Variants in ZNF81 observed in about 807,000 individuals in gnomAD.
ZNF81 encodes zinc finger protein 81 (HFZ20).
In ZNF81, 5 loss-of-function variants were observed where a neutral mutation model predicts 32.3. The observed-to-expected ratio is 0.15, with a 90% CI of 0.08 to 0.33. ZNF81 has a LOEUF of 0.33. Ranked by LOEUF, ZNF81 falls within the 10% of genes least tolerant of loss-of-function variation. The pLI is 1.00. For synonymous variants in ZNF81, 163 were observed against 166.8 expected (o/e 0.98, Z 0.17); for missense variants, 379 against 479.8 (o/e 0.79, Z 1.96).
At chrX:47,869,195 C>T (rs2058571370) in intron 2 of ZNF81, among the ~76,000 whole-genome samples, 1 of 112,000 alleles carries the variant, frequency 8.9e-6, no homozygotes, top group African/African-American at 3.2e-5. Flanking sequence ...ATTTTTGTAT[C>T]AAATTTAGGG....
At chrX:47,898,221 G>C (rs907258353) in intron 4 of ZNF81, among the ~76,000 whole-genome samples, 1 of 111,180 alleles carries the variant, frequency 9.0e-6, no homozygotes, top group African/African-American at 3.3e-5. Context: ...TTAGAGCAGG[G>C]GGATAGTGGC....
intron 1 of ZNF81, among the ~76,000 whole-genome samples, chrX:47,845,817 C>G (rs961149473): frequency 6.6e-4 from 74 of 112,256 alleles, no homozygotes; most frequent in African/African-American, 2.4e-3. Flanking sequence ...TTTTCATAAC[C>G]ACTTGAGATA....
chrX:47,859,584 C>A (rs1217613450), intron 2 of ZNF81, among the ~76,000 whole-genome samples: 2 of 111,764 alleles, frequency 1.8e-5, no homozygotes, highest in Non-Finnish European at 3.8e-5. Flanking sequence ...AAATCAGAAT[C>A]CAAATAAGGT....
chrX:47,850,074 G>A (rs1055496675), intron 2 of ZNF81, among the ~76,000 whole-genome samples: 3 of 111,611 alleles, frequency 2.7e-5, no homozygotes, highest in Admixed American at 9.5e-5. Context: ...TTATTCATCC[G>A]TACATATGTA....
At chrX:47,874,210 G>T (rs2058590887) in intron 2 of ZNF81, among the ~76,000 whole-genome samples, 1 of 112,152 alleles carries the variant, frequency 8.9e-6, no homozygotes, top group Admixed American at 9.4e-5. Flanking sequence ...TGTAATTTCT[G>T]CCAGCTCACT....
intron 2 of ZNF81, among the ~76,000 whole-genome samples, chrX:47,869,844 C>T (rs2058573637): frequency 9.1e-6 from 1 of 110,451 alleles, no homozygotes; most frequent in African/African-American, 3.3e-5. Flanking sequence ...TATGGATGTG[C>T]ACCACTGCAC....
In ZNF81 at chrX:47,908,735, C is replaced by T. The variant is rs782021927; in HGVS notation, c.278-6189C>T. 1.1e-4 allele frequency among the ~76,000 whole-genome samples: 12 copies of T among 111,792 alleles called. No homozygotes were observed. In the South Asian group the frequency reaches 1.5e-3, roughly 14 times the overall value. On this transcript the variant is annotated intron_variant, in intron 4 of 4. Transcript: ENST00000338637. ...TGAACTGCTGTTACAAGAACTTGGG[C>T]GAACCTCAAAAAATTTGTTGAACAA...
At chrX:47,881,096 G>T (rs895755500) in intron 2 of ZNF81, among the ~76,000 whole-genome samples, 17 of 112,064 alleles carry the variant, frequency 1.5e-4, no homozygotes, top group African/African-American at 5.5e-4. Context: ...TAGGGAAAAG[G>T]AGTTGGGCTA....
intron 3 of ZNF81, 144 bp downstream of exon 3, chrX:47,888,269 G>A: frequency 1.2e-6 from 1 of 843,344 alleles, no homozygotes; most frequent in Non-Finnish European, 1.7e-6. Context: ...AAGTAATCAA[G>A]CTAAAATGAG....
At chrX:47,866,635 A>G (rs782464459) in intron 2 of ZNF81, among the ~76,000 whole-genome samples, 31 of 111,654 alleles carry the variant, frequency 2.8e-4, no homozygotes, top group South Asian at 1.1e-3. Flanking sequence ...TATGACATGC[A>G]GGTAGTTACA....
rs2058766321 is a variant in ZNF81 at position 47,918,879 on chromosome X, G to A, written c.*2247G>A. 1 of 144,100 alleles carries A rather than the reference G, an allele frequency of 6.9e-6. No individual in the cohort carries two copies. Among genetic ancestry groups the A allele is most frequent in the African/African-American group, 3.1e-5 (1 of 31,791 alleles). The allele number at this position is 144,100 out of a possible 1,213,427, so 11.9% of individuals were successfully genotyped here. A position where few individuals can be genotyped will look rare whatever the true frequency, so the allele number is the denominator to read the frequency against. On this transcript the variant is annotated 3_prime_UTR_variant, in exon 5 of 5. Transcript: ENST00000338637. Reference sequence around the variant, plus strand: ...CGTTATGGAACAGTGACTGATATGTGCCTCATGGTCCTCCTCTTTTTGAAT... The same window carrying A: ...CGTTATGGAACAGTGACTGATATGTACCTCATGGTCCTCCTCTTTTTGAAT...
At position 47,915,520 on chromosome X, in the gene ZNF81, C is replaced by G; in HGVS notation, c.874C>G (p.Pro292Ala). 8.3e-7 allele frequency: 1 copy of G among 1,211,241 alleles called. No individual in the cohort carries two copies. Among genetic ancestry groups the G allele is most frequent in the Non-Finnish European group, 1.1e-6 (1 of 895,380 alleles). ...IFTQRSHFFA[P>A]QKIHTVEKPH... ...CACCCAGAGGTCACATTTCTTTGCT[C>G]CTCAAAAAATTCATACTGTGGAAAA... Residue 292 changes from proline to alanine, a missense_variant, in exon 5 of 5, where the codon CCT becomes GCT. Physicochemically the swap from Pro to Ala is conservative, Grantham distance 27. Coordinates refer to ENST00000338637, the MANE Select transcript of ZNF81 (RefSeq NM_007137.5).
intron 2 of ZNF81, among the ~76,000 whole-genome samples, chrX:47,855,058 C>T (rs187360641): frequency 4.6e-5 from 5 of 109,836 alleles, no homozygotes; most frequent in African/African-American, 9.9e-5. Context: ...CATGCCACTG[C>T]ACTCCAGCAT....
In ZNF81 at chrX:47,836,997, G is replaced by C; in HGVS notation, c.-164+10G>C. The C allele has an allele frequency of 5.4e-6, 1 of 184,773 alleles. No individual in the cohort carries two copies. The allele number at this position is 184,773 out of a possible 1,213,427, so 15.2% of individuals were successfully genotyped here. On this transcript the variant is annotated intron_variant, in intron 1 of 4. Coordinates refer to ENST00000338637, the MANE Select transcript of ZNF81 (RefSeq NM_007137.5). ...GCCCAGGGATGTGGAGGTGATGGGG[G>C]GCCGGGGAGGGTGAGTGCTGGGCGA...
rs2058508072 is a variant in ZNF81 at position 47,854,503 on chromosome X, T to A, written c.54+8182T>A. 3.6e-5 allele frequency among the ~76,000 whole-genome samples: 4 copies of A among 112,221 alleles called. No homozygotes were observed. The South Asian group carries it at 1.5e-3, about 42-fold the overall frequency. Reference sequence around the variant, plus strand: ...TTGGCTTTCAACAGGCCTTCCTCAATAAGCTCAATCATGTCTAGCTTTTGA... The same window carrying A: ...TTGGCTTTCAACAGGCCTTCCTCAAAAAGCTCAATCATGTCTAGCTTTTGA... On this transcript the variant is annotated intron_variant, in intron 2 of 4. Transcript: ENST00000338637.
chrX:47,856,005 C>T (rs868947240), intron 2 of ZNF81, among the ~76,000 whole-genome samples: 31 of 93,862 alleles, frequency 3.3e-4, no homozygotes, highest in African/African-American at 1.1e-3. Flanking sequence ...GCCGAGATCA[C>T]GCCACTGCAC....
rs2058469259 is a variant in ZNF81 at position 47,846,142 on chromosome X, T to G, written c.-126T>G. The G allele has an allele frequency of 1.2e-6, 1 of 814,039 alleles. No homozygotes were observed. Among genetic ancestry groups the G allele is most frequent in the African/African-American group, 2.0e-5 (1 of 49,145 alleles). 67.1% of individuals were successfully genotyped at this position (814,039 alleles called of 1,213,427 possible). ...CTCTGCGGAGTCCCTGGGCCAGATC[T>G]CACAGTGAAAGCTGCAGGATCTTCC... On this transcript the variant is annotated 5_prime_UTR_variant, in exon 2 of 5. Coordinates refer to ENST00000338637, the MANE Select transcript of ZNF81 (RefSeq NM_007137.5).
chrX:47,898,455 A>G (rs369462006), intron 4 of ZNF81, among the ~76,000 whole-genome samples: 21 of 111,841 alleles, frequency 1.9e-4, no homozygotes, highest in African/African-American at 6.8e-4. Flanking sequence ...CTTTTAGCAA[A>G]CCCATACTAT....
chrX:47,862,903 T>G (rs2058546836), intron 2 of ZNF81, among the ~76,000 whole-genome samples: 1 of 111,485 alleles, frequency 9.0e-6, no homozygotes, highest in African/African-American at 3.3e-5. Context: ...CAGGGAAATG[T>G]TTATCTTTGT....
Sources: allele counts gnomAD v4.1 joint callset (sites outside exome capture counted in the v4.1 genomes callset), GRCh38; gene constraint gnomAD v4.1.1; transcripts MANE v1.5; gene names NCBI Gene and HGNC (gene_info 2026-07-23, HGNC 2026-07-21).